Variants in EXT1 observed in about 807,000 individuals in gnomAD.
The protein encoded by EXT1 is exostosin glycosyltransferase 1.
EXT1 carries 20 observed loss-of-function variants against 82.5 expected under a neutral mutation model. The ratio of observed to expected loss-of-function variants is 0.24; its 90% confidence interval spans 0.17 to 0.35. The LOEUF (loss-of-function observed/expected upper bound fraction) is 0.35. Ranked by LOEUF, EXT1 falls within the 10% of genes least tolerant of loss-of-function variation. The pLI is 1.00. For synonymous variants in EXT1, 348 were observed against 350.8 expected (o/e 0.99, Z 0.09); for missense variants, 757 against 936.5 (o/e 0.81, Z 2.50).
At chr8:117,973,482 C>A (rs766168367) in intron 1 of EXT1, among the ~76,000 whole-genome samples, 4 of 152,122 alleles carry the variant, frequency 2.6e-5, no homozygotes, top group Non-Finnish European at 5.9e-5. Context: ...TAAAAGCACA[C>A]TAGTTTAACA....
In EXT1 at chr8:117,797,502, A is replaced by G. The variant is rs1198679626; in HGVS notation, c.*2210T>C. On this transcript the variant is annotated 3_prime_UTR_variant, in exon 11 of 11. Coordinates refer to ENST00000378204, the MANE Select transcript of EXT1 (RefSeq NM_000127.3). Reference sequence around the variant, plus strand: ...ATTAGGGACATTGCTTTGCAAGCCAATATGACCACCTAAGTTTCAAGTTGG... The same window carrying G: ...ATTAGGGACATTGCTTTGCAAGCCAGTATGACCACCTAAGTTTCAAGTTGG... The G allele has an allele frequency of 6.6e-6, 1 of 152,268 alleles. No homozygotes were observed. The highest frequency in any genetic ancestry group is 1.5e-5 in the Non-Finnish European group (1 of 68,058). The allele number at this position is 152,268 out of a possible 1,614,324, so 9.4% of individuals were successfully genotyped here.
At chr8:117,973,027 C>T (rs1481539549) in intron 1 of EXT1, among the ~76,000 whole-genome samples, 1 of 152,176 alleles carries the variant, frequency 6.6e-6, no homozygotes, top group Non-Finnish European at 1.5e-5. Flanking sequence ...AAACCAAGAA[C>T]AGACACATGT....
At chr8:117,933,657 C>T (rs193302270) in intron 1 of EXT1, among the ~76,000 whole-genome samples, 1 of 152,264 alleles carries the variant, frequency 6.6e-6, no homozygotes, top group Non-Finnish European at 1.5e-5. Flanking sequence ...GTCTCACTTA[C>T]TGCTGCGTCC....
At chr8:117,992,391 A>G (rs1239487550) in intron 1 of EXT1, among the ~76,000 whole-genome samples, 1 of 151,054 alleles carries the variant, frequency 6.6e-6, no homozygotes. Context: ...GGGAGAGCAA[A>G]TATTTGTTCA....
chr8:117,847,656 C>T (rs1406663557), intron 1 of EXT1, among the ~76,000 whole-genome samples: 4 of 152,144 alleles, frequency 2.6e-5, no homozygotes, highest in Non-Finnish European at 5.9e-5. Context: ...TGACTCCCTC[C>T]CTCTGCACAG....
At chr8:118,075,402 G>A (rs887122768) in intron 1 of EXT1, among the ~76,000 whole-genome samples, 3 of 152,326 alleles carry the variant, frequency 2.0e-5, no homozygotes, top group South Asian at 4.1e-4. Context: ...ATAGCAGGAG[G>A]AGTGTCCTCT....
rs570363951 is a variant in EXT1 at position 117,873,775 on chromosome 8, T to G, written c.963-36574A>C. On this transcript the variant is annotated intron_variant, in intron 1 of 10. Coordinates refer to ENST00000378204, the MANE Select transcript of EXT1 (RefSeq NM_000127.3). ...CCAGTCTCACTTTAAAGGAGAGAGT[T>G]AAAGTGACATCTAAAGATATGCATC... Among the ~76,000 whole-genome samples, 83 of 152,208 alleles carry G rather than the reference T, an allele frequency of 5.5e-4. 1 individual carries two copies. The highest frequency in any genetic ancestry group is 1.9e-3 in the African/African-American group (79 of 41,546).
At chr8:117,836,034 AC>A (rs993345418) in intron 2 of EXT1, among the ~76,000 whole-genome samples, 1 of 152,218 alleles carries the variant, frequency 6.6e-6, no homozygotes, top group African/African-American at 2.4e-5. Context: ...CGTGGACTTA[AC>A]CAGTATAGAG....
chr8:117,911,150 T>A (rs1813639965), intron 1 of EXT1, among the ~76,000 whole-genome samples: 1 of 152,224 alleles, frequency 6.6e-6, no homozygotes, highest in African/African-American at 2.4e-5. Flanking sequence ...TTTAGCCCAG[T>A]GCCTGGCACA....
intron 1 of EXT1, among the ~76,000 whole-genome samples, chr8:117,895,434 A>G (rs779522704): frequency 6.6e-6 from 1 of 152,186 alleles, no homozygotes; most frequent in Non-Finnish European, 1.5e-5. Flanking sequence ...CAATGCAATT[A>G]TATTATAAAA....
intron 1 of EXT1, among the ~76,000 whole-genome samples, chr8:117,867,668 C>A (rs112164334): frequency 6.6e-6 from 1 of 152,334 alleles, no homozygotes; most frequent in African/African-American, 2.4e-5. Flanking sequence ...TCCTTCAGAT[C>A]TACCCACTTC....
At chr8:117,931,316 T>C (rs1814057396) in intron 1 of EXT1, among the ~76,000 whole-genome samples, 1 of 152,224 alleles carries the variant, frequency 6.6e-6, no homozygotes, top group Non-Finnish European at 1.5e-5. Flanking sequence ...ACATTTCCTG[T>C]ATATACTCAC....
At chr8:117,965,993 TAC>T (rs35638588) in intron 1 of EXT1, among the ~76,000 whole-genome samples, 4,587 of 150,418 alleles carry the variant, frequency 0.03, 217 homozygotes, top group African/African-American at 0.11. Flanking sequence ...TACATGCATA[TAC>T]ACACACACAC....
At chr8:117,958,488 G>C (rs1814633406) in intron 1 of EXT1, among the ~76,000 whole-genome samples, 1 of 152,134 alleles carries the variant, frequency 6.6e-6, no homozygotes, top group Non-Finnish European at 1.5e-5. Context: ...AAGAAACATT[G>C]ACACTGAATC....
In EXT1 at chr8:117,991,560, T is replaced by C. The variant is rs942471661; in HGVS notation, c.962+118525A>G. Among the ~76,000 whole-genome samples the C allele has an allele frequency of 2.8e-4, 43 of 152,038 alleles. 1 individual carries two copies. Among genetic ancestry groups the C allele is most frequent in the Admixed American group, 1.3e-4 (2 of 15,272 alleles). On this transcript the variant is annotated intron_variant, in intron 1 of 10. Coordinates refer to ENST00000378204, the MANE Select transcript of EXT1 (RefSeq NM_000127.3). ...CCCTACTGGAGTTATTTTCCTTTTT[T>C]TATTTTATTTTTATTTTTTGAGATG...
At chr8:118,031,142 C>T (rs1347563940) in intron 1 of EXT1, among the ~76,000 whole-genome samples, 1 of 152,144 alleles carries the variant, frequency 6.6e-6, no homozygotes, top group African/African-American at 2.4e-5. Flanking sequence ...AACAGCTGCT[C>T]CTCGGCTCCA....
Position 117,796,403 on chromosome 8 carries a change from C to A in EXT1, c.*3309G>T, listed in dbSNP as rs759221086. 3.3e-5 allele frequency: 5 copies of A among 150,688 alleles called. No individual in the cohort carries two copies. In the East Asian group the frequency reaches 5.8e-4, roughly 18 times the overall value. The allele number at this position is 150,688 out of a possible 1,614,324, so 9.3% of individuals were successfully genotyped here. A position where few individuals can be genotyped will look rare whatever the true frequency, so the allele number is the denominator to read the frequency against. ...AAAAAAAATAGTATATAGGCCTATTCACATTCATTCATCTCACCCCTGATT... is the reference window on the plus strand; with the variant it reads ...AAAAAAAATAGTATATAGGCCTATTAACATTCATTCATCTCACCCCTGATT... On this transcript the variant is annotated 3_prime_UTR_variant, in exon 11 of 11. Transcript: ENST00000378204.
chr8:118,066,284 T>C (rs977005487), intron 1 of EXT1, among the ~76,000 whole-genome samples: 1 of 152,084 alleles, frequency 6.6e-6, no homozygotes, highest in East Asian at 1.9e-4. Context: ...ATAGTAAATA[T>C]ATTTTCTCTT....
At chr8:117,930,299 G>A (rs1160627901) in intron 1 of EXT1, among the ~76,000 whole-genome samples, 1 of 152,060 alleles carries the variant, frequency 6.6e-6, no homozygotes, top group Non-Finnish European at 1.5e-5. Context: ...GAGCGGAAGG[G>A]TGGAGAATGA....
Sources: gnomAD v4.1 joint callset for allele counts (sites outside exome capture counted in the v4.1 genomes callset) on GRCh38, gnomAD v4.1.1 for gene constraint, MANE v1.5 for transcripts, NCBI Gene and HGNC (gene_info 2026-07-23, HGNC 2026-07-21) for gene names.